The following ETFA variants were observed in gnomAD, a reference collection of about 807,000 sequenced individuals.
The protein encoded by ETFA is electron transfer flavoprotein subunit alpha, mitochondrial.
ETFA carries 22 observed loss-of-function variants against 46.2 expected under a neutral mutation model. The ratio of observed to expected loss-of-function variants is 0.48; its 90% CI spans 0.34 to 0.68. ETFA has a LOEUF of 0.68. Among genes scored for constraint, ETFA ranks in the 30% least tolerant of loss-of-function variants. ETFA has a pLI of 0.01. For synonymous variants in ETFA, 131 were observed against 139.9 expected, an observed-to-expected ratio of 0.94 and a Z score of 0.45; for missense variants, 345 against 401.1, an observed-to-expected ratio of 0.86 and a Z score of 1.19.
chr15:76,274,374 A>G lies in ETFA; in HGVS notation c.816+38T>C, dbSNP rs780431976. On this transcript the variant is annotated intron_variant, in intron 9 of 11. Transcript: ENST00000557943. The stretch of plus-strand genomic sequence containing the variant: ...ACAAATACATACAGTACTTATCCCC[A>G]TAACATTTTACACAGCATATTTTAT... The G allele has an allele frequency of 6.9e-6, 10 of 1,451,018 alleles. No individual in the cohort carries two copies. In the South Asian group the frequency reaches 7.1e-5, roughly 10 times the overall value. 89.9% of individuals were successfully genotyped at this position (1,451,018 alleles called of 1,614,324 possible). A position where few individuals can be genotyped will look rare whatever the true frequency, so the allele number is the denominator to read the frequency against.
chr15:76,295,858 T>C, intron 1 of ETFA, 121 bp from the exon 2 acceptor site: 1 of 603,846 alleles, frequency 1.7e-6, no homozygotes, highest in Non-Finnish European at 2.7e-6. Flanking sequence ...ACAATATTAT[T>C]CTATAAATTT....
chr15:76,298,036 A>C (rs1255200955), intron 1 of ETFA, among the ~76,000 whole-genome samples: 1 of 149,300 alleles, frequency 6.7e-6, no homozygotes, highest in Non-Finnish European at 1.5e-5. Flanking sequence ...AGGATGAATC[A>C]GATTAGAGAT....
intron 4 of ETFA, among the ~76,000 whole-genome samples, chr15:76,290,063 T>C: frequency 6.6e-6 from 1 of 152,118 alleles, no homozygotes; most frequent in East Asian, 1.9e-4. Flanking sequence ...GAGGAAAAAA[T>C]GTTAAAATGT....
chr15:76,240,364 A>C (rs2039172627), intron 9 of ETFA, among the ~76,000 whole-genome samples: 1 of 152,190 alleles, frequency 6.6e-6, no homozygotes, highest in Non-Finnish European at 1.5e-5. Flanking sequence ...TCTTAGATAT[A>C]AGCTCCTCCA....
chr15:76,265,217 G>A (rs2039458763), intron 9 of ETFA, among the ~76,000 whole-genome samples: 1 of 152,194 alleles, frequency 6.6e-6, no homozygotes, highest in Non-Finnish European at 1.5e-5. Context: ...GGAAGTTCTA[G>A]TCTAAATTTA....
chr15:76,265,965 G>A (rs942865739), intron 9 of ETFA, among the ~76,000 whole-genome samples: 9 of 152,202 alleles, frequency 5.9e-5, no homozygotes, highest in Non-Finnish European at 1.3e-4. Flanking sequence ...TTTGGGTGGA[G>A]CAATGGCCAC....
chr15:76,260,172 A>T, intron 9 of ETFA: 1 of 1,437,076 alleles, frequency 7.0e-7, no homozygotes, highest in Non-Finnish European at 9.8e-7. Flanking sequence ...CTCTGGGATG[A>T]GCACATCCTC....
rs2039991340 is a variant in ETFA, at chr15:76,310,925, T to C, written c.39+425A>G. Among the ~76,000 whole-genome samples the C allele has an allele frequency of 5.3e-5, 7 of 131,686 alleles. No homozygotes were observed. In the Admixed American group the frequency reaches 5.8e-4, roughly 11 times the overall value. 86.4% of individuals were successfully genotyped at this position (131,686 alleles called of 152,430 possible). A position where few individuals can be genotyped will look rare whatever the true frequency, so the allele number is the denominator to read the frequency against. ...CCAAAGTGTTTAATTCTTCCAGAAATGCCGGCCTCCGGGAGGAATCTAGGT... is the reference window on the plus strand; with the variant it reads ...CCAAAGTGTTTAATTCTTCCAGAAACGCCGGCCTCCGGGAGGAATCTAGGT... On this transcript the variant is annotated intron_variant, in intron 1 of 11. Transcript: ENST00000557943.
At chr15:76,267,203 A>G (rs551044170) in intron 9 of ETFA, among the ~76,000 whole-genome samples, 1 of 152,342 alleles carries the variant, frequency 6.6e-6, no homozygotes, top group African/African-American at 2.4e-5. Context: ...TGCCTACAGG[A>G]GTTTATAGTT....
chr15:76,239,946 A>T (rs1210037377), intron 9 of ETFA, among the ~76,000 whole-genome samples: 1 of 152,210 alleles, frequency 6.6e-6, no homozygotes, highest in African/African-American at 2.4e-5. Context: ...CTTGCATGTC[A>T]ATTAGAAAGC....
chr15:76,239,162 T>C (rs74026409), intron 9 of ETFA, among the ~76,000 whole-genome samples: 1,718 of 152,286 alleles, frequency 0.011, 31 homozygotes, highest in African/African-American at 0.039. Flanking sequence ...ATTCCTATTT[T>C]ATAGAAGAGA....
chr15:76,273,336 A>G (rs576735111), intron 9 of ETFA, among the ~76,000 whole-genome samples: 1 of 152,248 alleles, frequency 6.6e-6, no homozygotes, highest in East Asian at 1.9e-4. Context: ...CAGGTGGATC[A>G]CAAGGTCATG....
At chr15:76,293,239 G>A (rs2039785221) in intron 2 of ETFA, among the ~76,000 whole-genome samples, 2 of 152,132 alleles carry the variant, frequency 1.3e-5, no homozygotes, top group South Asian at 4.1e-4. Context: ...CAACTACCAA[G>A]CATTTCAACA....
intron 9 of ETFA, among the ~76,000 whole-genome samples, chr15:76,241,311 G>GGT (rs1362299500): frequency 6.6e-6 from 1 of 151,826 alleles, no homozygotes; most frequent in Non-Finnish European, 1.5e-5. Context: ...GACCAGCCTA[G>GGT]GCAACACAGC....
At chr15:76,305,642 T>A (rs1164508187) in intron 1 of ETFA, among the ~76,000 whole-genome samples, 1 of 152,050 alleles carries the variant, frequency 6.6e-6, no homozygotes, top group Non-Finnish European at 1.5e-5. Flanking sequence ...TTTAAAGAGG[T>A]TATCACCCTC....
rs1026869457 is a variant in ETFA, at chr15:76,304,770, A to C, written c.39+6580T>G. On this transcript the variant is annotated intron_variant, in intron 1 of 11. Transcript: ENST00000557943. ...TATCTAAAGAAAATCCTCGGCCAGG[A>C]GCGGTGGCTCACACCTGTAATCCCA... 5.3e-5 allele frequency among the ~76,000 whole-genome samples: 8 copies of C among 152,084 alleles called. No individual in the cohort carries two copies. In the East Asian group the frequency reaches 1.4e-3, roughly 26 times the overall value.
At chr15:76,277,739 A>G (rs555148118) in intron 8 of ETFA, among the ~76,000 whole-genome samples, 6 of 152,192 alleles carry the variant, frequency 3.9e-5, no homozygotes, top group African/African-American at 1.4e-4. Context: ...CTGGCCTCAA[A>G]TGATCTGCCC....
chr15:76,310,369 G>A (rs1442888930), intron 1 of ETFA, among the ~76,000 whole-genome samples: 50 of 104,432 alleles, frequency 4.8e-4, no homozygotes, highest in Non-Finnish European at 5.6e-4. Context: ...TCCATGCCCA[G>A]AAAAAAAAAA....
At chr15:76,287,981 C>T in intron 4 of ETFA, 36 bp from the exon 5 acceptor site, 1 of 1,256,398 alleles carries the variant, frequency 8.0e-7, no homozygotes, top group Non-Finnish European at 1.2e-6. Context: ...AACACACATA[C>T]ATAGTGATGG....
Sources: gnomAD v4.1 joint callset for allele counts (sites outside exome capture counted in the v4.1 genomes callset) on GRCh38, gnomAD v4.1.1 for gene constraint, MANE v1.5 for transcripts, NCBI Gene and HGNC (gene_info 2026-07-23, HGNC 2026-07-21) for gene names.